The following ENTPD1 variants were observed in gnomAD, a reference collection of about 807,000 sequenced individuals.
The protein encoded by ENTPD1 is ectonucleoside triphosphate diphosphohydrolase 1.
ENTPD1 carries 33 observed loss-of-function variants against 57.0 expected under a neutral mutation model. That is an observed-to-expected ratio of 0.58 (90% confidence interval 0.44 to 0.77). The LOEUF (loss-of-function observed/expected upper bound fraction) is 0.77, where lower values mean the gene tolerates loss of function less well. Ranked by LOEUF, ENTPD1 falls within the 30% of genes least tolerant of loss-of-function variation. The probability of loss-of-function intolerance (pLI) is 0.00; values close to 1 mark genes in which losing one functional copy is unlikely to be tolerated. For missense variants in ENTPD1, 501 were observed against 603.4 expected (o/e 0.83, Z 1.78); for synonymous variants, 202 against 218.8 (o/e 0.92, Z 0.68).
intron 1 of ENTPD1, among the ~76,000 whole-genome samples, chr10:95,803,789 C>T (rs553449959): frequency 2.8e-4 from 42 of 152,282 alleles, no homozygotes; most frequent in Admixed American, 9.2e-4. Context: ...TACCTATGTC[C>T]TGAATGGCAT....
rs575976618 is a variant in ENTPD1, at chr10:95,762,328, C to T, written c.16+6073C>T. Among the ~76,000 whole-genome samples the T allele has an allele frequency of 2.7e-5, 4 of 149,516 alleles. No homozygotes were observed. The East Asian group carries it at 7.8e-4, about 29-fold the overall frequency. ...CATGCCCATTAAAGAAAACATGATACTATAGATTACAGTAGGGAAGAAAAA... is the reference window on the plus strand; with the variant it reads ...CATGCCCATTAAAGAAAACATGATATTATAGATTACAGTAGGGAAGAAAAA... On this transcript the variant is annotated intron_variant, in intron 1 of 9. Coordinates refer to ENST00000371205, the MANE Select transcript of ENTPD1 (RefSeq NM_001776.6).
At chr10:95,857,197 T>C (rs1299117177) in intron 7 of ENTPD1, among the ~76,000 whole-genome samples, 2 of 152,312 alleles carry the variant, frequency 1.3e-5, no homozygotes, top group East Asian at 3.9e-4. Context: ...GGAGGTGGCA[T>C]GGACCAGGAG....
At chr10:95,711,946 T>C (rs369443267) in exon 1 of ENTPD1, 2 of 1,612,856 alleles carry the variant, frequency 1.2e-6, no homozygotes, top group African/African-American at 1.3e-5. Context: ...TCTGTTCTTC[T>C]GGAAGCTGCA....
At chr10:95,820,091 C>A (rs1403462744) in intron 1 of ENTPD1, among the ~76,000 whole-genome samples, 1 of 152,180 alleles carries the variant, frequency 6.6e-6, no homozygotes, top group Non-Finnish European at 1.5e-5. Flanking sequence ...TGTCAACCTG[C>A]ACCCCACCTC....
At chr10:95,862,035 C>CT (rs1011336171) in intron 8 of ENTPD1, among the ~76,000 whole-genome samples, 1 of 151,958 alleles carries the variant, frequency 6.6e-6, no homozygotes, top group African/African-American at 2.4e-5. Context: ...CAGGTTTCCT[C>CT]TCTTATCCAC....
chr10:95,802,298 G>A (rs1233461145), intron 1 of ENTPD1, among the ~76,000 whole-genome samples: 1 of 152,176 alleles, frequency 6.6e-6, no homozygotes, highest in African/African-American at 2.4e-5. Flanking sequence ...AAAGATAAAT[G>A]ATTGTGGAGA....
chr10:95,844,275 G>T lies in ENTPD1; in HGVS notation c.414-201G>T, dbSNP rs184430053. ...GATTGGAAGGATGTGGATTTGGAGA[G>T]AGATGAACAAAATATTAATTCTGCC... On this transcript the variant is annotated intron_variant, in intron 4 of 9. Transcript: ENST00000371205. Among the ~76,000 whole-genome samples, 11 of 152,330 alleles carry T rather than the reference G, an allele frequency of 7.2e-5. No individual in the cohort carries two copies. In the East Asian group the frequency reaches 2.1e-3, roughly 29 times the overall value.
chr10:95,849,094 T>A (rs2098440495), intron 7 of ENTPD1, among the ~76,000 whole-genome samples: 1 of 152,206 alleles, frequency 6.6e-6, no homozygotes, highest in African/African-American at 2.4e-5. Flanking sequence ...ATTGTCATTA[T>A]GTTTTGAAGA....
chr10:95,745,986 G>A (rs1229927849), intron 1 of ENTPD1, among the ~76,000 whole-genome samples: 1 of 152,162 alleles, frequency 6.6e-6, no homozygotes, highest in East Asian at 1.9e-4. Flanking sequence ...TCCCAACATG[G>A]CCTCAGTCCC....
At chr10:95,699,616 GAA>G in the ENTPD1 span, among the ~76,000 whole-genome samples, 9 of 50,370 alleles carry the variant, frequency 1.8e-4, no homozygotes, top group Non-Finnish European at 3.9e-4. Context: ...CAAAAAAAAA[GAA>G]AGAGAGAGAT....
intron 1 of ENTPD1, among the ~76,000 whole-genome samples, chr10:95,810,754 A>G (rs2098302822): frequency 6.6e-6 from 1 of 152,172 alleles, no homozygotes; most frequent in Non-Finnish European, 1.5e-5. Context: ...ACTCTCATCT[A>G]TTATATATTC....
intron 1 of ENTPD1, among the ~76,000 whole-genome samples, chr10:95,786,430 C>T (rs527359125): frequency 6.6e-6 from 1 of 152,126 alleles, no homozygotes; most frequent in South Asian, 2.1e-4. Flanking sequence ...TTGAAGGAGA[C>T]GCAGGTTCAG....
intron 1 of ENTPD1, among the ~76,000 whole-genome samples, chr10:95,746,190 A>T (rs1173062328): frequency 6.6e-6 from 1 of 152,222 alleles, no homozygotes; most frequent in Non-Finnish European, 1.5e-5. Flanking sequence ...TGTTTTGTTT[A>T]ATCTGAACAT....
intron 2 of ENTPD1, among the ~76,000 whole-genome samples, chr10:95,824,571 T>C (rs1283838723): frequency 6.6e-6 from 1 of 152,204 alleles, no homozygotes; most frequent in Non-Finnish European, 1.5e-5. Context: ...AAAACTTCAC[T>C]CACAGTTGAA....
chr10:95,825,189 A>G (rs1037717434), intron 2 of ENTPD1, among the ~76,000 whole-genome samples: 1 of 152,238 alleles, frequency 6.6e-6, no homozygotes, highest in African/African-American at 2.4e-5. Flanking sequence ...CAATAGCCAT[A>G]CATGGCTGGT....
the ENTPD1 span, among the ~76,000 whole-genome samples, chr10:95,704,310 T>A: frequency 2.0e-5 from 3 of 152,116 alleles, no homozygotes; most frequent in Non-Finnish European, 4.4e-5. Context: ...TTACGTGTAA[T>A]TTCAAAAGGT....
At chr10:95,794,550 T>C (rs2098218619) in intron 1 of ENTPD1, among the ~76,000 whole-genome samples, 2 of 152,122 alleles carry the variant, frequency 1.3e-5, no homozygotes, top group African/African-American at 4.8e-5. Flanking sequence ...GACCCCAGAG[T>C]TGGCATTTTT....
Position 95,873,231 on chromosome 10 carries a change from AGT to A in ENTPD1, c.*6851_*6852del. 1.0e-6 allele frequency: 1 copy of A among 985,342 alleles called. No individual in the cohort carries two copies. Among genetic ancestry groups the A allele is most frequent in the Non-Finnish European group, 1.2e-6 (1 of 829,828 alleles). 61.0% of individuals were successfully genotyped at this position (985,342 alleles called of 1,614,324 possible). A position where few individuals can be genotyped will look rare whatever the true frequency, so the allele number is the denominator to read the frequency against. On this transcript the variant is annotated 3_prime_UTR_variant, in exon 10 of 10. Transcript: ENST00000371205. Reference sequence around the variant, plus strand: ...AGTTTCTTTTACAGGCTCTCAGATCAGTGTTCATCCACTACCTGACTACTGTC... The same window carrying A: ...AGTTTCTTTTACAGGCTCTCAGATCAGTTCATCCACTACCTGACTACTGTC...
Position 95,836,250 on chromosome 10 carries a change from T to C in ENTPD1, c.145-3441T>C, listed in dbSNP as rs575295578. On this transcript the variant is annotated intron_variant, in intron 2 of 9. Transcript: ENST00000371205. The stretch of plus-strand genomic sequence containing the variant: ...AGCTTTGTGGTTTAAAGTTAGGTTA[T>C]GTGATGCCTCTGGCTTTATCCTTTT... Among the ~76,000 whole-genome samples the C allele has an allele frequency of 2.0e-5, 3 of 152,296 alleles. 1 individual carries two copies. The highest frequency in any genetic ancestry group is 4.4e-5 in the Non-Finnish European group (3 of 68,026).
Sources: allele counts gnomAD v4.1 joint callset (sites outside exome capture counted in the v4.1 genomes callset), GRCh38; gene constraint gnomAD v4.1.1; transcripts MANE v1.5; gene names NCBI Gene and HGNC (gene_info 2026-07-23, HGNC 2026-07-21).